Variants in PRMT3 observed in about 807,000 individuals in gnomAD.
PRMT3 encodes the protein protein arginine N-methyltransferase 3.
Under a neutral mutation model 71.9 loss-of-function variants are expected in PRMT3, and 62 were observed. That is an observed-to-expected ratio of 0.86 (90% CI 0.70 to 1.07). The LOEUF (loss-of-function observed/expected upper bound fraction) is 1.07. PRMT3 is among the 50% of genes least tolerant of loss of function. The pLI is 0.00. For synonymous variants in PRMT3, 213 were observed against 220.4 expected (o/e 0.97, Z 0.30); for missense variants, 663 against 643.0 (o/e 1.03, Z -0.34).
intron 6 of PRMT3, among the ~76,000 whole-genome samples, chr11:20,396,755 T>A (rs1316114191): frequency 6.6e-6 from 1 of 152,192 alleles, no homozygotes; most frequent in Non-Finnish European, 1.5e-5. Flanking sequence ...GGTGTAGTAC[T>A]TTTCAAAGTT....
At chr11:20,458,622 T>C (rs542758980) in intron 11 of PRMT3, among the ~76,000 whole-genome samples, 2 of 152,318 alleles carry the variant, frequency 1.3e-5, no homozygotes, top group East Asian at 3.9e-4. Context: ...TGGCAGGTGG[T>C]CCAAGATTTT....
chr11:20,444,716 C>T (rs1398948671), intron 10 of PRMT3, among the ~76,000 whole-genome samples: 1 of 152,118 alleles, frequency 6.6e-6, no homozygotes, highest in African/African-American at 2.4e-5. Flanking sequence ...GAATGAAGTA[C>T]CTACTCTGTT....
Position 20,440,916 on chromosome 11 carries a change from GTC to G in PRMT3, c.994-11212_994-11211del, listed in dbSNP as rs1230060308. ...AGCAAAAGTTTTTAATATTGATAAA[GTC>G]TAATTTATCAATTATTTTTATAGAT... On this transcript the variant is annotated intron_variant, in intron 10 of 15. Coordinates refer to ENST00000331079, the MANE Select transcript of PRMT3 (RefSeq NM_005788.4). Among the ~76,000 whole-genome samples, 5 of 152,162 alleles carry G rather than the reference GTC, an allele frequency of 3.3e-5. No homozygotes were observed. In the East Asian group the frequency reaches 5.8e-4, roughly 18 times the overall value.
rs574074015 is a variant in PRMT3 at position 20,457,508 on chromosome 11, A to G, written c.1073-4472A>G. 2.6e-5 allele frequency among the ~76,000 whole-genome samples: 4 copies of G among 152,366 alleles called. No individual in the cohort carries two copies. The South Asian group carries it at 6.2e-4, about 24-fold the overall frequency. ...TACTCTCTGAATTTAAGTTTAATTTATAACATGAAGATTATAATCCAACTT... is the reference window on the plus strand; with the variant it reads ...TACTCTCTGAATTTAAGTTTAATTTGTAACATGAAGATTATAATCCAACTT... On this transcript the variant is annotated intron_variant, in intron 11 of 15. Transcript: ENST00000331079.
At chr11:20,485,481 T>C (rs1299893707) in intron 13 of PRMT3, among the ~76,000 whole-genome samples, 1 of 152,122 alleles carries the variant, frequency 6.6e-6, no homozygotes, top group Non-Finnish European at 1.5e-5. Context: ...ATACTGCAAA[T>C]TTTAACAAAT....
At chr11:20,449,208 A>T (rs1210425136) in intron 10 of PRMT3, among the ~76,000 whole-genome samples, 1 of 152,120 alleles carries the variant, frequency 6.6e-6, no homozygotes, top group Non-Finnish European at 1.5e-5. Context: ...ATGTCTTATT[A>T]GTTCTATATA....
chr11:20,485,548 A>T (rs1278141005), intron 13 of PRMT3, among the ~76,000 whole-genome samples: 1 of 152,226 alleles, frequency 6.6e-6, no homozygotes, highest in Non-Finnish European at 1.5e-5. Context: ...TCTAAGACCA[A>T]ATTAAATATG....
intron 9 of PRMT3, among the ~76,000 whole-genome samples, chr11:20,422,186 C>T (rs552320525): frequency 1.3e-5 from 2 of 152,198 alleles, no homozygotes; most frequent in African/African-American, 4.8e-5. Flanking sequence ...GATGTGTTTC[C>T]CTGATTGTTA....
intron 8 of PRMT3, among the ~76,000 whole-genome samples, chr11:20,404,791 C>T (rs150739592): frequency 1.9e-4 from 29 of 152,260 alleles, no homozygotes; most frequent in African/African-American, 6.5e-4. Flanking sequence ...TGGGCCTAAC[C>T]TGTAAGGTGA....
At chr11:20,457,264 C>A (rs948711169) in intron 11 of PRMT3, among the ~76,000 whole-genome samples, 1 of 152,166 alleles carries the variant, frequency 6.6e-6, no homozygotes, top group East Asian at 1.9e-4. Context: ...TTTCTCCTTC[C>A]TTCTCTTCCA....
At chr11:20,415,974 G>C (rs1849295843) in intron 9 of PRMT3, among the ~76,000 whole-genome samples, 1 of 152,122 alleles carries the variant, frequency 6.6e-6, no homozygotes, top group Non-Finnish European at 1.5e-5. Flanking sequence ...ATTCATACTT[G>C]ACATTTTCTT....
At position 20,429,544 on chromosome 11, in the gene PRMT3, G is replaced by C. The variant is rs375580429; in HGVS notation, c.993+2679G>C. Among the ~76,000 whole-genome samples the C allele has an allele frequency of 3.9e-5, 6 of 152,348 alleles. No individual in the cohort carries two copies. The South Asian group carries it at 1.0e-3, about 26-fold the overall frequency. Reference sequence around the variant, plus strand: ...GCAGTCACTGGAGTCACTGGAGCCTGAGATGAAAGGAGCCAGTTGTTTGGA... The same window carrying C: ...GCAGTCACTGGAGTCACTGGAGCCTCAGATGAAAGGAGCCAGTTGTTTGGA... On this transcript the variant is annotated intron_variant, in intron 10 of 15. Coordinates refer to ENST00000331079, the MANE Select transcript of PRMT3 (RefSeq NM_005788.4).
intron 11 of PRMT3, 77 bp downstream of exon 11, chr11:20,452,285 C>T (rs1305090989): frequency 1.7e-6 from 2 of 1,154,498 alleles, no homozygotes; most frequent in East Asian, 4.7e-5. Flanking sequence ...TTCAAATAAA[C>T]TATGCATGGC....
intron 8 of PRMT3, 160 bp from the exon 9 acceptor site, chr11:20,407,751 G>A: frequency 5.3e-6 from 3 of 566,214 alleles, no homozygotes; most frequent in African/African-American, 1.9e-5. Flanking sequence ...CACTTTGGGA[G>A]GCCAAAGGAT....
chr11:20,504,707 T>TGTGTGAGAGAGA (rs1332372470), intron 15 of PRMT3, among the ~76,000 whole-genome samples: 6 of 133,590 alleles, frequency 4.5e-5, no homozygotes, highest in African/African-American at 1.2e-4. Flanking sequence ...TGTGTGTGTG[T>TGTGTGAGAGAGA]GAGAGAGAGA....
chr11:20,397,809 C>A, intron 7 of PRMT3, 88 bp downstream of exon 7: 1 of 1,388,550 alleles, frequency 7.2e-7, no homozygotes, highest in Non-Finnish European at 9.6e-7. Flanking sequence ...CTATAGGAGA[C>A]CTCTTTTTTT....
intron 13 of PRMT3, among the ~76,000 whole-genome samples, chr11:20,481,588 A>G (rs1850937753): frequency 6.6e-6 from 1 of 152,144 alleles, no homozygotes; most frequent in Non-Finnish European, 1.5e-5. Context: ...AGTCTCTAAA[A>G]TGACATCTTA....
intron 13 of PRMT3, among the ~76,000 whole-genome samples, chr11:20,479,631 CAG>C (rs1053815584): frequency 6.6e-6 from 1 of 152,118 alleles, no homozygotes; most frequent in Admixed American, 6.6e-5. Flanking sequence ...ATAGGTTTGT[CAG>C]AGGTTCTCTA....
chr11:20,392,275 T>G lies in PRMT3; in HGVS notation c.297+15T>G. 6.5e-7 allele frequency: 1 copy of G among 1,548,252 alleles called. No individual in the cohort carries two copies. The highest frequency in any genetic ancestry group is 1.2e-5 in the South Asian group (1 of 85,972). ...TTAGACTTAAGGTAAGTTGACAGCTTAATTTATAATTTCGTTTAGAAATCA... is the reference window on the plus strand; with the variant it reads ...TTAGACTTAAGGTAAGTTGACAGCTGAATTTATAATTTCGTTTAGAAATCA... On this transcript the variant is annotated intron_variant, in intron 4 of 15. Coordinates refer to ENST00000331079, the MANE Select transcript of PRMT3 (RefSeq NM_005788.4).
Sources: allele counts gnomAD v4.1 joint callset (sites outside exome capture counted in the v4.1 genomes callset), GRCh38; gene constraint gnomAD v4.1.1; transcripts MANE v1.5; gene names NCBI Gene and HGNC (gene_info 2026-07-23, HGNC 2026-07-21).